The following PRKCE variants were observed in gnomAD, a reference collection of about 807,000 sequenced individuals.
PRKCE encodes the protein protein kinase C epsilon.
PRKCE carries 16 observed loss-of-function variants against 85.4 expected under a neutral mutation model. The observed-to-expected ratio is 0.19, with a 90% confidence interval of 0.13 to 0.28. The LOEUF (loss-of-function observed/expected upper bound fraction) is 0.28. Among genes scored for constraint, PRKCE ranks in the 10% least tolerant of loss-of-function variants. The pLI is 1.00. For synonymous variants in PRKCE, 388 were observed against 371.5 expected (o/e 1.04, Z -0.51); for missense variants, 573 against 975.2 (o/e 0.59, Z 5.49).
At chr2:45,691,919 C>T (rs645565) in intron 1 of PRKCE, among the ~76,000 whole-genome samples, 10,644 of 152,278 alleles carry the variant, frequency 0.07, 514 homozygotes, top group Non-Finnish European at 0.1. Flanking sequence ...CTTTGTCCTT[C>T]TCTGGACACA....
chr2:45,733,483 G>C (rs1681765335), intron 1 of PRKCE, among the ~76,000 whole-genome samples: 1 of 152,202 alleles, frequency 6.6e-6, no homozygotes, highest in Non-Finnish European at 1.5e-5. Flanking sequence ...GTGATAAGAT[G>C]ATAAAGGCCA....
intron 1 of PRKCE, among the ~76,000 whole-genome samples, chr2:45,707,531 A>C (rs1558578622): frequency 6.6e-6 from 1 of 152,240 alleles, no homozygotes; most frequent in Non-Finnish European, 1.5e-5. Context: ...CCAAGGTCAC[A>C]AAGCAGACTC....
At chr2:45,818,709 C>T (rs1329076954) in intron 1 of PRKCE, among the ~76,000 whole-genome samples, 1 of 152,178 alleles carries the variant, frequency 6.6e-6, no homozygotes, top group Non-Finnish European at 1.5e-5. Flanking sequence ...GTGACCACAG[C>T]AGTTTTAACA....
intron 1 of PRKCE, among the ~76,000 whole-genome samples, chr2:45,836,390 C>T (rs1690878815): frequency 6.6e-6 from 1 of 152,230 alleles, no homozygotes; most frequent in Non-Finnish European, 1.5e-5. Flanking sequence ...ACCAATAGAG[C>T]AAGTAGCAAA....
chr2:46,090,792 G>A (rs942059822), intron 11 of PRKCE, among the ~76,000 whole-genome samples: 4 of 152,224 alleles, frequency 2.6e-5, no homozygotes, highest in African/African-American at 9.6e-5. Context: ...TGGAGAAGCT[G>A]TACATATGTG....
At chr2:46,111,861 C>T (rs115729684) in intron 11 of PRKCE, among the ~76,000 whole-genome samples, 1,584 of 152,256 alleles carry the variant, frequency 0.01, 38 homozygotes, top group African/African-American at 0.036. Context: ...GTAGTGACTC[C>T]ATGTTTAACT....
intron 2 of PRKCE, among the ~76,000 whole-genome samples, chr2:45,969,824 A>T (rs1305115406): frequency 6.6e-6 from 1 of 152,206 alleles, no homozygotes; most frequent in Admixed American, 6.5e-5. Flanking sequence ...TTTGCTTGAC[A>T]TTGGGGTGTA....
At position 45,757,754 on chromosome 2, in the gene PRKCE, C is replaced by T. The variant is rs573629071; in HGVS notation, c.349-85246C>T. ...ACAAGCCATTATTGCCAACTCCTTA[C>T]ATTCCCATCCCCCACATGGAATTCA... On this transcript the variant is annotated intron_variant, in intron 1 of 14. Transcript: ENST00000306156. Among the ~76,000 whole-genome samples, 29 of 152,306 alleles carry T rather than the reference C, an allele frequency of 1.9e-4. 1 individual carries two copies. The South Asian group carries it at 5.6e-3, about 29-fold the overall frequency.
chr2:45,826,959 G>T (rs193171625), intron 1 of PRKCE, among the ~76,000 whole-genome samples: 3 of 152,058 alleles, frequency 2.0e-5, no homozygotes, highest in Non-Finnish European at 4.4e-5. Context: ...GCCTTCCTGC[G>T]TCCTCATGGG....
Position 45,872,760 on chromosome 2 carries a change from A to G in PRKCE, c.412+29697A>G, listed in dbSNP as rs1694190986. Among the ~76,000 whole-genome samples the G allele has an allele frequency of 2.0e-5, 3 of 152,182 alleles. No individual in the cohort carries two copies. The South Asian group carries it at 6.2e-4, about 32-fold the overall frequency. On this transcript the variant is annotated intron_variant, in intron 2 of 14. Coordinates refer to ENST00000306156, the MANE Select transcript of PRKCE (RefSeq NM_005400.3). Reference sequence around the variant, plus strand: ...GTTGGTGTTAACTGATATGGGCCAGACCTCAAGGGGCTGGGGCCATTTCAA... The same window carrying G: ...GTTGGTGTTAACTGATATGGGCCAGGCCTCAAGGGGCTGGGGCCATTTCAA...
intron 1 of PRKCE, among the ~76,000 whole-genome samples, chr2:45,831,812 G>A (rs1221635067): frequency 6.6e-6 from 1 of 152,114 alleles, no homozygotes; most frequent in Non-Finnish European, 1.5e-5. Context: ...ATGACAAGCA[G>A]ACATGTAGCT....
chr2:45,796,299 G>A (rs1687431277), intron 1 of PRKCE, among the ~76,000 whole-genome samples: 1 of 152,196 alleles, frequency 6.6e-6, no homozygotes, highest in Non-Finnish European at 1.5e-5. Context: ...CTCACTAGCT[G>A]TAAGAAACCT....
intron 11 of PRKCE, among the ~76,000 whole-genome samples, chr2:46,132,977 G>A (rs1254834596): frequency 1.3e-5 from 2 of 152,172 alleles, no homozygotes; most frequent in Non-Finnish European, 2.9e-5. Context: ...AGTTACATTT[G>A]TGTTTCCTCA....
At chr2:45,755,440 G>A (rs1245763138) in intron 1 of PRKCE, among the ~76,000 whole-genome samples, 1 of 152,158 alleles carries the variant, frequency 6.6e-6, no homozygotes. Context: ...CCCAAGACAC[G>A]GTCCTTCATT....
At chr2:45,951,339 T>C (rs1288333910) in intron 2 of PRKCE, among the ~76,000 whole-genome samples, 1 of 152,238 alleles carries the variant, frequency 6.6e-6, no homozygotes, top group Non-Finnish European at 1.5e-5. Flanking sequence ...TCATACAGAC[T>C]GTCGAGGAAG....
chr2:45,670,546 C>G (rs1226729704), intron 1 of PRKCE, among the ~76,000 whole-genome samples: 1 of 152,108 alleles, frequency 6.6e-6, no homozygotes, highest in Non-Finnish European at 1.5e-5. Context: ...TTAATTCTTA[C>G]TGTGAGTCCC....
At chr2:46,175,806 G>T (rs1049696585) in intron 14 of PRKCE, among the ~76,000 whole-genome samples, 7 of 151,910 alleles carry the variant, frequency 4.6e-5, no homozygotes, top group Non-Finnish European at 4.4e-5. Context: ...GCATGAACTT[G>T]CTATGTGTTG....
At chr2:45,871,891 G>T (rs772715656) in intron 2 of PRKCE, among the ~76,000 whole-genome samples, 62 of 152,126 alleles carry the variant, frequency 4.1e-4, no homozygotes, top group Non-Finnish European at 4.4e-4. Context: ...GTGGAGAAAG[G>T]AGGCAACCTG....
At chr2:45,718,211 C>A (rs189530088) in intron 1 of PRKCE, among the ~76,000 whole-genome samples, 49 of 152,288 alleles carry the variant, frequency 3.2e-4, no homozygotes, top group Admixed American at 1.6e-3. Context: ...TTGTGACAAC[C>A]ACAAATGTCT....
Sources: gnomAD v4.1 joint callset for allele counts (sites outside exome capture counted in the v4.1 genomes callset) on GRCh38, gnomAD v4.1.1 for gene constraint, MANE v1.5 for transcripts, NCBI Gene and HGNC (gene_info 2026-07-23, HGNC 2026-07-21) for gene names.